PTPRM: variants seen among roughly 807,000 people sequenced by gnomAD.
PTPRM encodes the protein receptor-type tyrosine-protein phosphatase mu.
In PTPRM, 47 loss-of-function variants were observed where a neutral mutation model predicts 186.7. That is an observed-to-expected ratio of 0.25 (90% CI 0.20 to 0.32). The LOEUF (loss-of-function observed/expected upper bound fraction) is 0.32. Among genes scored for constraint, PTPRM ranks in the 10% least tolerant of loss-of-function variants. The pLI is 1.00. For synonymous variants in PTPRM, 668 were observed against 674.9 expected (o/e 0.99, Z 0.16); for missense variants, 1,494 against 1,865.0 (o/e 0.80, Z 3.66).
At chr18:7,945,475 A>T (rs529106305) in intron 5 of PTPRM, among the ~76,000 whole-genome samples, 3 of 149,784 alleles carry the variant, frequency 2.0e-5, no homozygotes, top group Non-Finnish European at 3.0e-5. Context: ...AAAAAAAAAA[A>T]GAGAATATGC....
chr18:7,894,609 A>T (rs58891883), intron 3 of PTPRM, among the ~76,000 whole-genome samples: 54,744 of 150,890 alleles, frequency 0.36, 10,689 homozygotes, highest in East Asian at 0.56. Flanking sequence ...ATATATATAT[A>T]TTTTTTAATA....
chr18:8,084,953 G>A (rs1318570290), intron 9 of PTPRM, among the ~76,000 whole-genome samples: 2 of 152,088 alleles, frequency 1.3e-5, no homozygotes, highest in Non-Finnish European at 1.5e-5. Context: ...TTCTAGAACT[G>A]CACTGTCTCA....
chr18:7,853,704 G>T (rs1221074872), intron 2 of PTPRM, among the ~76,000 whole-genome samples: 1 of 152,114 alleles, frequency 6.6e-6, no homozygotes, highest in African/African-American at 2.4e-5. Flanking sequence ...TGGAAAGGGG[G>T]AATAGAATGT....
intron 14 of PTPRM, among the ~76,000 whole-genome samples, chr18:8,223,652 A>G (rs1852973105): frequency 6.6e-6 from 1 of 152,182 alleles, no homozygotes; most frequent in South Asian, 2.1e-4. Context: ...CACCTGATTG[A>G]AGATGCTTTG....
chr18:8,320,588 G>A (rs1245256245), intron 22 of PTPRM, among the ~76,000 whole-genome samples: 1 of 152,160 alleles, frequency 6.6e-6, no homozygotes, highest in Non-Finnish European at 1.5e-5. Context: ...GCTACATTTG[G>A]TTATTCCCTG....
chr18:8,074,616 T>C (rs1485557581), intron 8 of PTPRM, among the ~76,000 whole-genome samples: 2 of 152,192 alleles, frequency 1.3e-5, no homozygotes, highest in African/African-American at 4.8e-5. Context: ...TGAGGTGATA[T>C]CTCATTATGG....
intron 23 of PTPRM, among the ~76,000 whole-genome samples, chr18:8,345,884 C>T (rs2095502097): frequency 6.6e-6 from 1 of 151,800 alleles, no homozygotes; most frequent in South Asian, 2.1e-4. Context: ...CACCAAAAGC[C>T]CAACATATTA....
intron 1 of PTPRM, among the ~76,000 whole-genome samples, chr18:7,694,809 A>G (rs1225627972): frequency 6.6e-6 from 1 of 152,204 alleles, no homozygotes; most frequent in East Asian, 1.9e-4. Flanking sequence ...AAACATTTAT[A>G]GCTCTTTTAG....
chr18:8,057,465 T>A (rs2088093779), intron 7 of PTPRM, among the ~76,000 whole-genome samples: 4 of 145,330 alleles, frequency 2.8e-5, no homozygotes, highest in Admixed American at 2.7e-4. Context: ...CTTTTTTTTT[T>A]ATTATACTTT....
rs769844011 is a variant in PTPRM, at chr18:8,085,846, C to A, written c.1727C>A (p.Thr576Lys). Reference sequence around the variant, plus strand: ...GCTAAGGGTTTTGGGCCTCCAGCAACAAACCAGTTCACCACCAAAATATCA... The same window carrying A: ...GCTAAGGGTTTTGGGCCTCCAGCAAAAAACCAGTTCACCACCAAAATATCA... ...STAKGFGPPA[T>K]NQFTTKISAP... is the part of the protein sequence containing the mutation. Residue 576 changes from threonine to lysine, a missense_variant, in exon 10 of 33, where the codon ACA (threonine) becomes AAA (lysine). Physicochemically the swap from Thr to Lys is moderately conservative, Grantham distance 78. Transcript: ENST00000580170. 6.2e-6 allele frequency: 10 copies of A among 1,613,188 alleles called. No homozygotes were observed. The highest frequency in any genetic ancestry group is 8.5e-6 in the Non-Finnish European group (10 of 1,179,450).
intron 1 of PTPRM, among the ~76,000 whole-genome samples, chr18:7,666,092 C>CATTT (rs1030794641): frequency 1.3e-5 from 2 of 152,142 alleles, no homozygotes; most frequent in African/African-American, 2.4e-5. Context: ...CGTTAGAATA[C>CATTT]ATTTCATTTA....
chr18:7,661,796 C>T (rs1201383152), intron 1 of PTPRM, among the ~76,000 whole-genome samples: 1 of 152,144 alleles, frequency 6.6e-6, no homozygotes, highest in Non-Finnish European at 1.5e-5. Flanking sequence ...TATTGAATGG[C>T]ATCTGATGGT....
At chr18:7,569,149 A>T (rs1250291242) in intron 1 of PTPRM, among the ~76,000 whole-genome samples, 1 of 151,998 alleles carries the variant, frequency 6.6e-6, no homozygotes, top group Non-Finnish European at 1.5e-5. Flanking sequence ...AGCAGTAAAA[A>T]CCTTTGGTCC....
At chr18:8,225,251 A>ACCAAC (rs2094199622) in intron 14 of PTPRM, among the ~76,000 whole-genome samples, 1 of 152,152 alleles carries the variant, frequency 6.6e-6, no homozygotes, top group African/African-American at 2.4e-5. Context: ...GTGCCTTAGG[A>ACCAAC]TTTTGTAAGA....
At chr18:7,799,679 T>C (rs990952605) in intron 2 of PTPRM, among the ~76,000 whole-genome samples, 2 of 152,190 alleles carry the variant, frequency 1.3e-5, no homozygotes, top group Admixed American at 1.3e-4. Flanking sequence ...TTAGTTGATA[T>C]TTTTTGATGC....
chr18:8,333,944 A>T (rs994026639), intron 22 of PTPRM, among the ~76,000 whole-genome samples: 2 of 152,230 alleles, frequency 1.3e-5, no homozygotes, highest in African/African-American at 4.8e-5. Flanking sequence ...GGTCTCGGGC[A>T]GTTCAGTTCA....
rs149234938 is a variant in PTPRM at position 7,581,891 on chromosome 18, C to A, written c.73+14000C>A. ...CCCAGACTAGTCTCAAGCTCCTCGCCTCAAGCCATCCTCCTGCCTCAGCCT... is the reference window on the plus strand; with the variant it reads ...CCCAGACTAGTCTCAAGCTCCTCGCATCAAGCCATCCTCCTGCCTCAGCCT... On this transcript the variant is annotated intron_variant, in intron 1 of 32. Transcript: ENST00000580170. Among the ~76,000 whole-genome samples the A allele has an allele frequency of 3.0e-3, 456 of 152,174 alleles. 2 individuals are homozygous for A. The highest frequency in any genetic ancestry group is 0.011 in the African/African-American group (438 of 41,518).
chr18:8,031,415 C>T (rs932290805), intron 7 of PTPRM, among the ~76,000 whole-genome samples: 1 of 152,052 alleles, frequency 6.6e-6, no homozygotes, highest in Non-Finnish European at 1.5e-5. Flanking sequence ...ATTTGGAGGC[C>T]AGAGGGGCCT....
chr18:7,946,049 C>T (rs192055333), intron 5 of PTPRM, among the ~76,000 whole-genome samples: 66 of 152,304 alleles, frequency 4.3e-4, no homozygotes, highest in African/African-American at 1.2e-3. Context: ...TCATATGACT[C>T]ACTAGAGTCA....
Sources: allele counts gnomAD v4.1 joint callset (sites outside exome capture counted in the v4.1 genomes callset), GRCh38; gene constraint gnomAD v4.1.1; transcripts MANE v1.5; gene names NCBI Gene and HGNC (gene_info 2026-07-23, HGNC 2026-07-21).